Variants in SH3BGRL observed in about 807,000 individuals in gnomAD.
The protein encoded by SH3BGRL is SH3 domain binding glutamate rich protein like, also known as adapter SH3BGRL.
In SH3BGRL, 7 loss-of-function variants were observed where a neutral mutation model predicts 9.8. The ratio of observed to expected loss-of-function variants is 0.72; its 90% confidence interval spans 0.41 to 1.35. The LOEUF (loss-of-function observed/expected upper bound fraction) is 1.35, where lower values mean the gene tolerates loss of function less well. Ranked by LOEUF, SH3BGRL falls within the 40% of genes most tolerant of loss-of-function variation. The pLI, the probability that SH3BGRL is intolerant of heterozygous loss-of-function variation, is 0.01. For missense variants in SH3BGRL, 73 were observed against 84.4 expected, an observed-to-expected ratio of 0.86 and a Z score of 0.53; for synonymous variants, 36 against 29.1, an observed-to-expected ratio of 1.24 and a Z score of -0.76.
intron 1 of SH3BGRL, among the ~76,000 whole-genome samples, chrX:81,205,883 CT>C (rs1269854343): frequency 2.7e-5 from 3 of 110,836 alleles, no homozygotes; most frequent in Non-Finnish European, 5.7e-5. Flanking sequence ...CATTTGTTAT[CT>C]TTTTGGTAAT....
intron 1 of SH3BGRL, among the ~76,000 whole-genome samples, chrX:81,216,267 T>C (rs1321567197): frequency 9.0e-6 from 1 of 111,159 alleles, no homozygotes; most frequent in African/African-American, 3.3e-5. Context: ...ATATGCATTA[T>C]TTACTTTGTT....
chrX:81,285,579 C>T (rs1222610929), intron 3 of SH3BGRL, among the ~76,000 whole-genome samples: 1 of 111,670 alleles, frequency 9.0e-6, no homozygotes, highest in Non-Finnish European at 1.9e-5. Flanking sequence ...ACTTTGAAAA[C>T]AAGTTAAATG....
intron 1 of SH3BGRL, among the ~76,000 whole-genome samples, chrX:81,222,414 C>G (rs914116880): frequency 9.8e-6 from 1 of 101,755 alleles, no homozygotes; most frequent in Non-Finnish European, 2.0e-5. Flanking sequence ...TGAGTGAGAA[C>G]ATGCGGTGTT....
chrX:81,270,129 G>A (rs2075773110), intron 1 of SH3BGRL, among the ~76,000 whole-genome samples: 1 of 110,432 alleles, frequency 9.1e-6, no homozygotes, highest in African/African-American at 3.3e-5. Flanking sequence ...CTAACCTTTT[G>A]TCAAGGTTTT....
chrX:81,238,983 T>C, intron 1 of SH3BGRL, among the ~76,000 whole-genome samples: 1 of 111,983 alleles, frequency 8.9e-6, no homozygotes. Flanking sequence ...TTGGCATGCC[T>C]TCTGAAGCAG....
chrX:81,217,531 CTA>C (rs1430523679), intron 1 of SH3BGRL, among the ~76,000 whole-genome samples: 4 of 111,338 alleles, frequency 3.6e-5, no homozygotes, highest in African/African-American at 1.3e-4. Context: ...CAGGAGAAGA[CTA>C]TTTAATTTTC....
At chrX:81,260,139 A>G (rs980206014) in intron 1 of SH3BGRL, among the ~76,000 whole-genome samples, 1 of 112,044 alleles carries the variant, frequency 8.9e-6, no homozygotes, top group Non-Finnish European at 1.9e-5. Context: ...AGCATAATGC[A>G]AAAGTATTAT....
intron 1 of SH3BGRL, among the ~76,000 whole-genome samples, chrX:81,211,526 G>T (rs2075563914): frequency 9.0e-6 from 1 of 110,658 alleles, no homozygotes; most frequent in South Asian, 3.8e-4. Context: ...GGCGGAGCTT[G>T]CAGTGATCCG....
At position 81,297,510 on chromosome X, in the gene SH3BGRL, T is replaced by C; in HGVS notation, c.*283T>C. 5.5e-6 allele frequency: 1 copy of C among 183,463 alleles called. No individual in the cohort carries two copies. Among genetic ancestry groups the C allele is most frequent in the Admixed American group, 7.7e-5 (1 of 13,028 alleles). 15.1% of individuals were successfully genotyped at this position (183,463 alleles called of 1,213,427 possible). ...GCCATCCTGTATACACCAATGATTT[T>C]ACAAAGAAAACACCCTTCCCTCCTT... On this transcript the variant is annotated 3_prime_UTR_variant, in exon 4 of 4. Coordinates refer to ENST00000373212, the MANE Select transcript of SH3BGRL (RefSeq NM_003022.3).
chrX:81,254,304 A>ATTT (rs1401498253), intron 1 of SH3BGRL, among the ~76,000 whole-genome samples: 1 of 111,690 alleles, frequency 9.0e-6, no homozygotes, highest in Non-Finnish European at 1.9e-5. Flanking sequence ...CAATTAGGTA[A>ATTT]TATATGGCAG....
chrX:81,217,225 T>A (rs1223631697), intron 1 of SH3BGRL, among the ~76,000 whole-genome samples: 1 of 111,366 alleles, frequency 9.0e-6, no homozygotes, highest in Admixed American at 9.6e-5. Flanking sequence ...AAAAACCAGC[T>A]TTTTGTTTCA....
chrX:81,294,743 GCAAAGCTGCAGA>G (rs2075868974), intron 3 of SH3BGRL, among the ~76,000 whole-genome samples: 1 of 111,568 alleles, frequency 9.0e-6, no homozygotes, highest in South Asian at 3.8e-4. Flanking sequence ...CATGTGCCTG[GCAAAGCTGCAGA>G]CACTCAACAC....
chrX:81,278,845 C>T (rs1309355797), intron 3 of SH3BGRL, among the ~76,000 whole-genome samples: 2 of 112,104 alleles, frequency 1.8e-5, no homozygotes, highest in Non-Finnish European at 3.8e-5. Context: ...AGAGCATCTG[C>T]ATTGCAAAAC....
chrX:81,268,862 G>A (rs1298644562), intron 1 of SH3BGRL, among the ~76,000 whole-genome samples: 1 of 111,425 alleles, frequency 9.0e-6, no homozygotes, highest in Non-Finnish European at 1.9e-5. Context: ...AAGTCTCTTT[G>A]TAGGTCTGTA....
chrX:81,240,954 G>A (rs982641621), intron 1 of SH3BGRL, among the ~76,000 whole-genome samples: 1 of 112,657 alleles, frequency 8.9e-6, no homozygotes, highest in East Asian at 2.8e-4. Context: ...ATGCTCCTGT[G>A]TGCAGCTGAA....
chrX:81,297,156 A>T (rs2075878012), intron 3 of SH3BGRL, 39 bp from the exon 4 acceptor site: 4 of 1,166,624 alleles, frequency 3.4e-6, no homozygotes, highest in Middle Eastern at 2.4e-4. Context: ...CTGCTCTGTG[A>T]TGTTTAAACT....
At chrX:81,282,525 A>G (rs973205694) in intron 3 of SH3BGRL, among the ~76,000 whole-genome samples, 2 of 111,947 alleles carry the variant, frequency 1.8e-5, no homozygotes, top group African/African-American at 3.2e-5. Flanking sequence ...TCCAAAAGGA[A>G]CCTTCAAAAC....
intron 1 of SH3BGRL, among the ~76,000 whole-genome samples, chrX:81,210,266 C>G (rs2075559152): frequency 9.0e-6 from 1 of 111,336 alleles, no homozygotes; most frequent in Non-Finnish European, 1.9e-5. Context: ...CCAGTTGTTT[C>G]ATTATAAGTG....
At chrX:81,224,850 T>C (rs1276406361) in intron 1 of SH3BGRL, among the ~76,000 whole-genome samples, 1 of 111,321 alleles carries the variant, frequency 9.0e-6, no homozygotes, top group African/African-American at 3.3e-5. Flanking sequence ...TTTCTCCTTC[T>C]TTTTCCTCAA....
Sources: allele counts gnomAD v4.1 joint callset (sites outside exome capture counted in the v4.1 genomes callset), GRCh38; gene constraint gnomAD v4.1.1; transcripts MANE v1.5; gene names NCBI Gene and HGNC (gene_info 2026-07-23, HGNC 2026-07-21).